PRUNE2: variants seen among roughly 807,000 people sequenced by gnomAD.
The protein encoded by PRUNE2 is prune homolog 2 with BCH domain, also known as protein prune homolog 2.
A neutral mutation model predicts 252.0 loss-of-function variants in PRUNE2; 164 were observed. The observed-to-expected ratio is 0.65, with a 90% CI of 0.57 to 0.74. The LOEUF is 0.74. PRUNE2 is among the 30% of genes least tolerant of loss of function. The pLI is 0.00. For synonymous variants in PRUNE2, 1,292 were observed against 1,350.2 expected (o/e 0.96, Z 0.94); for missense variants, 3,495 against 3,711.0 (o/e 0.94, Z 1.51).
intron 6 of PRUNE2, among the ~76,000 whole-genome samples, chr9:76,797,406 GTTTTC>G (rs1438487275): frequency 1.3e-5 from 2 of 151,914 alleles, no homozygotes; most frequent in East Asian, 1.9e-4. Context: ...TGTTTGGTTA[GTTTTC>G]TTTTCTTGGT....
intron 1 of PRUNE2, among the ~76,000 whole-genome samples, chr9:76,875,753 G>A (rs2061442339): frequency 6.6e-6 from 1 of 152,182 alleles, no homozygotes; most frequent in Admixed American, 6.5e-5. Flanking sequence ...GTTTATAATA[G>A]AATGAATAGG....
chr9:76,648,986 T>A (rs1846059416), intron 11 of PRUNE2, among the ~76,000 whole-genome samples: 1 of 152,158 alleles, frequency 6.6e-6, no homozygotes, highest in Admixed American at 6.5e-5. Context: ...TAATGATGTG[T>A]CAATGCAGGT....
At chr9:76,851,825 A>G (rs954015693) in intron 2 of PRUNE2, among the ~76,000 whole-genome samples, 2 of 149,244 alleles carry the variant, frequency 1.3e-5, no homozygotes, top group Admixed American at 1.3e-4. Flanking sequence ...GGAGAGAGGT[A>G]GAGAATTGTA....
At chr9:76,637,652 T>C (rs1840749094) in intron 13 of PRUNE2, 103 bp from the exon 14 acceptor site, 1 of 1,015,952 alleles carries the variant, frequency 9.8e-7, no homozygotes. Context: ...TAAGAATGAT[T>C]GTGCATATTA....
At chr9:76,669,240 A>G (rs2040827218) in intron 9 of PRUNE2, among the ~76,000 whole-genome samples, 1 of 152,084 alleles carries the variant, frequency 6.6e-6, no homozygotes, top group Non-Finnish European at 1.5e-5. Flanking sequence ...CCCTCCACAC[A>G]GTGATCACAC....
intron 6 of PRUNE2, among the ~76,000 whole-genome samples, chr9:76,742,395 C>T (rs956133206): frequency 2.2e-4 from 33 of 152,132 alleles, no homozygotes; most frequent in Non-Finnish European, 7.4e-5. Flanking sequence ...GGGAGGATTA[C>T]CTGAACCCAG....
intron 15 of PRUNE2, among the ~76,000 whole-genome samples, chr9:76,630,206 TA>T (rs2132347028): frequency 6.6e-6 from 1 of 152,082 alleles, no homozygotes; most frequent in African/African-American, 2.4e-5. Context: ...GATGATACTT[TA>T]AAAATATATG....
At chr9:76,636,224 G>A (rs1316824249) in intron 15 of PRUNE2, among the ~76,000 whole-genome samples, 1 of 151,996 alleles carries the variant, frequency 6.6e-6, no homozygotes, top group African/African-American at 2.4e-5. Flanking sequence ...TTCATCTTCC[G>A]TGTTTATAGC....
At position 76,708,398 on chromosome 9, in the gene PRUNE2, G is replaced by A; in HGVS notation, c.3876C>T (p.Thr1292=). The change falls in exon 8 of 19, where the codon ACC becomes ACT. Residue 1292 remains threonine (T), a synonymous_variant. Coordinates refer to ENST00000376718, the MANE Select transcript of PRUNE2 (RefSeq NM_015225.3). ...HLDKQDTERE[T]LQSDAASLAT... ...CCAAGGATGCTGCATCACTTTGCAG[G>A]GTTTCCCTCTCTGTGTCCTGCTTGT... is the stretch of plus-strand genomic sequence containing the variant. 2 of 1,613,728 alleles carry A rather than the reference G, an allele frequency of 1.2e-6. No individual in the cohort carries two copies. Among genetic ancestry groups the A allele is most frequent in the Non-Finnish European group, 1.7e-6 (2 of 1,179,852 alleles).
rs1564527202 is a variant in PRUNE2, at chr9:76,897,390, C to CTATTTTTTTTTTTTTT, written c.36+8537_36+8538insAAAAAAAAAAAAAATA. On this transcript the variant is annotated intron_variant, in intron 1 of 18. Transcript: ENST00000376718. Reference sequence around the variant, plus strand: ...TGGCTATGCAACCTTAGGCAAACCTCTTTTTTTTTTTTTTTTTTTTTTTTT... The same window carrying CTATTTTTTTTTTTTTT: ...TGGCTATGCAACCTTAGGCAAACCTCTATTTTTTTTTTTTTTTTTTTTTTTTTTTTTTTTTTTTTTT... 1.2e-4 allele frequency among the ~76,000 whole-genome samples: 7 copies of CTATTTTTTTTTTTTTT among 56,252 alleles called. 1 individual carries two copies. The highest frequency in any genetic ancestry group is 1.1e-4 in the Non-Finnish European group (3 of 27,574). The allele number at this position is 56,252 out of a possible 152,430, so 36.9% of individuals were successfully genotyped here.
At chr9:76,880,839 T>A (rs1298622204) in intron 1 of PRUNE2, among the ~76,000 whole-genome samples, 2 of 152,248 alleles carry the variant, frequency 1.3e-5, no homozygotes, top group African/African-American at 4.8e-5. Context: ...ACATGAAACA[T>A]GTTTATGTTA....
chr9:76,709,502 C>T lies in PRUNE2; in HGVS notation c.2772G>A (p.Glu924=). Residue 924 remains glutamate (E), a synonymous_variant, in exon 8 of 19, where the codon GAG becomes GAA. Transcript: ENST00000376718. ...CATCTGACCCTCCTTTCTTCATATT[C>T]TCCTCAAAAAGGTTCCAGGAATCTA... ...EKVDSWNLFE[E]NMKKGGSDVL... 6.2e-7 allele frequency: 1 copy of T among 1,613,988 alleles called. No individual in the cohort carries two copies. Among genetic ancestry groups the T allele is most frequent in the Non-Finnish European group, 8.5e-7 (1 of 1,179,876 alleles).
intron 1 of PRUNE2, among the ~76,000 whole-genome samples, chr9:76,893,133 T>A (rs1007227343): frequency 2.0e-5 from 3 of 152,206 alleles, no homozygotes; most frequent in African/African-American, 7.2e-5. Flanking sequence ...TAGTCGTAGC[T>A]ACTTGGGAGG....
chr9:76,851,994 C>A (rs1564439577), intron 2 of PRUNE2, among the ~76,000 whole-genome samples: 1 of 152,208 alleles, frequency 6.6e-6, no homozygotes, highest in Non-Finnish European at 1.5e-5. Context: ...TACTCTCACA[C>A]CATCACCAGC....
In PRUNE2 at chr9:76,707,750, C is replaced by G; in HGVS notation, c.4524G>C (p.Glu1508Asp). ...CCTTAACGTCAAGATTTTTGGTTATCTCAGAACATGTGCTGCTGACATGCA... is the reference window on the plus strand; with the variant it reads ...CCTTAACGTCAAGATTTTTGGTTATGTCAGAACATGTGCTGCTGACATGCA... ...SDVHVSSTCS[E>D]ITKNLDVKGS... The change falls in exon 8 of 19, where the codon GAG (glutamate) becomes GAC (aspartate). Residue 1508 changes from glutamate (E) to aspartate (D), a missense_variant. Transcript: ENST00000376718. The G allele has an allele frequency of 6.2e-7, 1 of 1,613,732 alleles. No individual in the cohort carries two copies. Among genetic ancestry groups the G allele is most frequent in the Non-Finnish European group, 8.5e-7 (1 of 1,179,766 alleles).
chr9:76,903,670 C>T (rs776388865), intron 1 of PRUNE2, among the ~76,000 whole-genome samples: 4 of 152,176 alleles, frequency 2.6e-5, no homozygotes, highest in African/African-American at 4.8e-5. Flanking sequence ...TCACTGCAAC[C>T]TCCGCCTCCG....
chr9:76,831,119 T>C (rs13294892), intron 4 of PRUNE2, among the ~76,000 whole-genome samples: 20,323 of 151,864 alleles, frequency 0.13, 1,507 homozygotes, highest in East Asian at 0.2. Flanking sequence ...TTAGTAGAGA[T>C]GGGGTTTCAC....
chr9:76,886,554 C>A (rs953545520), intron 1 of PRUNE2, among the ~76,000 whole-genome samples: 1 of 152,182 alleles, frequency 6.6e-6, no homozygotes, highest in Admixed American at 6.5e-5. Flanking sequence ...AGCCTGGAGG[C>A]CTCTCCTTTC....
intron 1 of PRUNE2, among the ~76,000 whole-genome samples, chr9:76,890,536 C>T (rs1434501925): frequency 6.6e-6 from 1 of 152,178 alleles, no homozygotes; most frequent in Non-Finnish European, 1.5e-5. Flanking sequence ...ACTTCCAGGA[C>T]CCCCTGCCCC....
Sources: allele counts gnomAD v4.1 joint callset (sites outside exome capture counted in the v4.1 genomes callset), GRCh38; gene constraint gnomAD v4.1.1; transcripts MANE v1.5; gene names NCBI Gene and HGNC (gene_info 2026-07-23, HGNC 2026-07-21).